The following GLIS3 variants were observed in gnomAD, a reference collection of about 807,000 sequenced individuals.
The protein encoded by GLIS3 is GLIS family zinc finger 3, also known as zinc finger protein GLIS3.
A neutral mutation model predicts 78.6 loss-of-function variants in GLIS3; 53 were observed. That is an observed-to-expected ratio of 0.67 (90% CI 0.54 to 0.85). The LOEUF is 0.85. GLIS3 is among the 40% of genes least tolerant of loss of function. The pLI is 0.00. For synonymous variants in GLIS3, 684 were observed against 509.9 expected (o/e 1.34, Z -4.60); for missense variants, 1,703 against 1,231.1 (o/e 1.38, Z -5.74).
At chr9:4,158,569 C>CA in intron 2 of GLIS3, among the ~76,000 whole-genome samples, 1 of 152,204 alleles carries the variant, frequency 6.6e-6, no homozygotes. Context: ...CAGAAGTTGT[C>CA]AGACTTTTCC....
At chr9:4,358,156 G>C in the GLIS3 span, among the ~76,000 whole-genome samples, 1 of 152,028 alleles carries the variant, frequency 6.6e-6, no homozygotes, top group African/African-American at 2.4e-5. Flanking sequence ...ATGTGTATGT[G>C]TGTATATATG....
chr9:4,397,600 A>T, the GLIS3 span, among the ~76,000 whole-genome samples: 1 of 150,610 alleles, frequency 6.6e-6, no homozygotes. Flanking sequence ...CTTCAAGCCC[A>T]TTCCCCCTGC....
intron 1 of GLIS3, among the ~76,000 whole-genome samples, chr9:4,292,543 G>A (rs1816095488): frequency 6.6e-6 from 1 of 151,718 alleles, no homozygotes; most frequent in Admixed American, 6.6e-5. Context: ...CTAGAATGAA[G>A]AACAGAAAAG....
At chr9:3,846,280 A>G (rs572570441) in intron 9 of GLIS3, among the ~76,000 whole-genome samples, 2 of 152,154 alleles carry the variant, frequency 1.3e-5, no homozygotes, top group Admixed American at 6.5e-5. Flanking sequence ...CACCACCACA[A>G]AGTATGATTG....
At chr9:4,083,345 G>C (rs548405836) in intron 4 of GLIS3, among the ~76,000 whole-genome samples, 1 of 152,132 alleles carries the variant, frequency 6.6e-6, no homozygotes, top group Non-Finnish European at 1.5e-5. Flanking sequence ...TTTTCACTGA[G>C]CCTGGCAGTC....
intron 4 of GLIS3, among the ~76,000 whole-genome samples, chr9:3,955,350 C>A (rs1015988488): frequency 6.6e-6 from 1 of 152,132 alleles, no homozygotes; most frequent in Non-Finnish European, 1.5e-5. Context: ...AGCTTCAGAT[C>A]TTTTCTATCT....
At chr9:4,374,246 A>G in the GLIS3 span, among the ~76,000 whole-genome samples, 2 of 152,248 alleles carry the variant, frequency 1.3e-5, no homozygotes, top group African/African-American at 4.8e-5. Context: ...ATGAATTAGA[A>G]CAACTCCCCT....
chr9:4,149,259 G>A (rs982821), intron 2 of GLIS3, among the ~76,000 whole-genome samples: 65,574 of 152,016 alleles, frequency 0.43, 14,507 homozygotes, highest in South Asian at 0.59. Context: ...AACTCATTTA[G>A]CTCCCACAAC....
intron 4 of GLIS3, among the ~76,000 whole-genome samples, chr9:4,065,180 T>C (rs1170293272): frequency 2.6e-5 from 4 of 152,176 alleles, no homozygotes; most frequent in African/African-American, 9.7e-5. Flanking sequence ...AAACCAGCCC[T>C]TCCTAGGGGC....
In GLIS3 at chr9:4,144,892, T is replaced by C. The variant is rs575022912; in HGVS notation, c.389-18951A>G. The C allele has an allele frequency of 2.6e-5, 4 of 152,388 alleles. No homozygotes were observed. In the South Asian group the frequency reaches 8.3e-4, roughly 32 times the overall value. The allele number at this position is 152,388 out of a possible 1,614,324, so 9.4% of individuals were successfully genotyped here. On this transcript the variant is annotated intron_variant, in intron 2 of 10. Transcript: ENST00000381971. ...GGGAAATATTTAAGCAAGAACATGC[T>C]GTTTATTTACAAGAGTTACTTGTTC...
chr9:4,057,883 A>G (rs1459761651), intron 4 of GLIS3, among the ~76,000 whole-genome samples: 4 of 152,172 alleles, frequency 2.6e-5, no homozygotes, highest in African/African-American at 9.7e-5. Flanking sequence ...CGGCCTCGCT[A>G]AGAACCTTGA....
chr9:4,286,258 G>C lies in GLIS3; in HGVS notation c.168C>G (p.Asn56Lys). Reference sequence around the variant, plus strand: ...CTGAGGGCATCTTGAGATGGAGGTTGTTAGCAAGGCTTGCCATAGTGGGAC... The same window carrying C: ...CTGAGGGCATCTTGAGATGGAGGTTCTTAGCAAGGCTTGCCATAGTGGGAC... ...TSSPTMASLA[N>K]NLHLKMPSGG... The change falls in exon 2 of 11, where the codon AAC becomes AAG. Residue 56 changes from asparagine to lysine, a missense_variant. Transcript: ENST00000381971. 1 of 1,614,246 alleles carries C rather than the reference G, an allele frequency of 6.2e-7. No individual in the cohort carries two copies. The highest frequency in any genetic ancestry group is 1.1e-5 in the South Asian group (1 of 91,088).
the GLIS3 span, among the ~76,000 whole-genome samples, chr9:4,410,224 G>A: frequency 6.6e-6 from 1 of 151,084 alleles, no homozygotes; most frequent in African/African-American, 2.4e-5. Flanking sequence ...CGATCCACCT[G>A]CCTTGGCTTC....
chr9:4,236,923 T>C (rs1234447537), intron 2 of GLIS3, among the ~76,000 whole-genome samples: 1 of 152,134 alleles, frequency 6.6e-6, no homozygotes, highest in East Asian at 1.9e-4. Flanking sequence ...AATATTTTTT[T>C]GAAACCAGGA....
intron 2 of GLIS3, among the ~76,000 whole-genome samples, chr9:4,214,615 CTTT>C (rs1261270839): frequency 6.6e-6 from 1 of 152,178 alleles, no homozygotes; most frequent in African/African-American, 2.4e-5. Context: ...TAGTGTGTCA[CTTT>C]TTTTCTTCTG....
the GLIS3 span, among the ~76,000 whole-genome samples, chr9:4,404,121 G>C: frequency 2.1e-3 from 316 of 152,248 alleles, 1 homozygote; most frequent in African/African-American, 7.0e-3. Flanking sequence ...TGTAAGAAGA[G>C]ACAAATAAGG....
chr9:4,108,064 A>G (rs1188724223), intron 4 of GLIS3, among the ~76,000 whole-genome samples: 1 of 152,204 alleles, frequency 6.6e-6, no homozygotes, highest in Non-Finnish European at 1.5e-5. Context: ...AATATGTAGT[A>G]GGAAGAAGAG....
intron 6 of GLIS3, among the ~76,000 whole-genome samples, chr9:3,910,095 TA>T (rs1824031254): frequency 6.6e-6 from 1 of 152,182 alleles, no homozygotes; most frequent in African/African-American, 2.4e-5. Context: ...GCTCATCATT[TA>T]AAAAGTTTTG....
the GLIS3 span, among the ~76,000 whole-genome samples, chr9:4,401,210 G>C: frequency 5.6e-4 from 85 of 152,200 alleles, no homozygotes; most frequent in African/African-American, 2.0e-3. Context: ...CCCAGGCCTG[G>C]CAGCATTAAC....
Sources: allele counts gnomAD v4.1 joint callset (sites outside exome capture counted in the v4.1 genomes callset), GRCh38; gene constraint gnomAD v4.1.1; transcripts MANE v1.5; gene names NCBI Gene and HGNC (gene_info 2026-07-23, HGNC 2026-07-21).